Variants in ZNF282 observed in about 807,000 individuals in gnomAD.
ZNF282 encodes HTLV-I U5 repressive element-binding protein 1.
ZNF282 carries 30 observed loss-of-function variants against 61.9 expected under a neutral mutation model. The observed-to-expected ratio is 0.48, with a 90% CI of 0.36 to 0.66. The LOEUF is 0.66. Among genes scored for constraint, ZNF282 ranks in the 30% least tolerant of loss-of-function variants. The pLI is 0.00. For synonymous variants in ZNF282, 396 were observed against 405.0 expected (o/e 0.98, Z 0.27); for missense variants, 788 against 941.4 (o/e 0.84, Z 2.13).
Position 149,206,789 on chromosome 7 carries a change from G to A in ZNF282, c.679G>A (p.Val227Ile). 6.2e-7 allele frequency: 1 copy of A among 1,614,168 alleles called. No homozygotes were observed. The highest frequency in any genetic ancestry group is 1.6e-4 in the Middle Eastern group (1 of 6,062). The change falls in exon 3 of 8, where the codon GTT (valine) becomes ATT (isoleucine). Residue 227 changes from valine (V) to isoleucine (I), a missense_variant. By Grantham distance (29) the Val-to-Ile change is conservative. Transcript: ENST00000610704. ...GCAGAAGGAGCTTTATAACAACCTT[G>A]TTAAGGAGAACTACAAAACCCTCAT... ...EWQKELYNNLVKENYKTLMSL... is the reference protein window; with the variant it reads ...EWQKELYNNLIKENYKTLMSL...
intron 2 of ZNF282, among the ~76,000 whole-genome samples, chr7:149,200,690 G>A (rs978370401): frequency 2.0e-5 from 3 of 152,068 alleles, no homozygotes; most frequent in Non-Finnish European, 2.9e-5. Flanking sequence ...CTGCCTCCAG[G>A]GTTCAAGTGA....
At chr7:149,200,552 C>T (rs2129523063) in intron 2 of ZNF282, among the ~76,000 whole-genome samples, 1 of 152,232 alleles carries the variant, frequency 6.6e-6, no homozygotes, top group Admixed American at 6.5e-5. Context: ...ATTTACTCTC[C>T]TCCCTCATGA....
chr7:149,224,227 C>T lies in ZNF282; in HGVS notation c.1596C>T (p.Ser532=). 6.2e-7 allele frequency: 1 copy of T among 1,610,492 alleles called. No individual in the cohort carries two copies. Among genetic ancestry groups the T allele is most frequent in the South Asian group, 1.1e-5 (1 of 91,042 alleles). Residue 532 remains serine, a synonymous_variant, in exon 8 of 8, where the codon AGC becomes AGT. Transcript: ENST00000610704. ...ECGKSFGVRK[S]LIIHHRSHTK... ...GCAAGAGCTTCGGCGTGCGCAAGAG[C>T]CTCATCATCCACCACCGCAGCCACA...
At chr7:149,200,300 G>A (rs962784689) in intron 2 of ZNF282, among the ~76,000 whole-genome samples, 18 of 152,136 alleles carry the variant, frequency 1.2e-4, no homozygotes, top group East Asian at 3.9e-4. Flanking sequence ...AATGATGTCC[G>A]TGGTGTTACA....
rs1293944259 is a variant in ZNF282 at position 149,224,754 on chromosome 7, C to CATTG, written c.*108_*111dup. On this transcript the variant is annotated 3_prime_UTR_variant, in exon 8 of 8. Coordinates refer to ENST00000610704, the MANE Select transcript of ZNF282 (RefSeq NM_003575.4). ...CCACCGTCTGGAAATCGGCAACAGG[C>CATTG]ATTGCACTCCGGTTGGGGGTCCCCC... The CATTG allele has an allele frequency of 1.4e-6, 2 of 1,428,916 alleles. No individual in the cohort carries two copies. The highest frequency in any genetic ancestry group is 1.8e-6 in the Non-Finnish European group (2 of 1,093,732). 88.5% of individuals were successfully genotyped at this position (1,428,916 alleles called of 1,614,324 possible).
At chr7:149,196,736 TG>T (rs1795823455) in intron 1 of ZNF282, among the ~76,000 whole-genome samples, 1 of 152,156 alleles carries the variant, frequency 6.6e-6, no homozygotes. Context: ...TCCCCTTCTG[TG>T]GGCTAGGGCG....
chr7:149,216,271 T>A (rs1018504062), intron 7 of ZNF282, among the ~76,000 whole-genome samples: 3 of 152,124 alleles, frequency 2.0e-5, no homozygotes, highest in African/African-American at 4.8e-5. Flanking sequence ...AGTAATTTTT[T>A]AAAATGTTTT....
At position 149,203,594 on chromosome 7, in the gene ZNF282, C is replaced by G. The variant is rs193247151; in HGVS notation, c.586-3102C>G. ...CTGGTCTTGAACTTCTGGGCTCAAG[C>G]AGTCTTCCTGCCTTGGCTTCCCAAA... is the stretch of plus-strand genomic sequence containing the variant. On this transcript the variant is annotated intron_variant, in intron 2 of 7. Coordinates refer to ENST00000610704, the MANE Select transcript of ZNF282 (RefSeq NM_003575.4). 6.6e-3 allele frequency among the ~76,000 whole-genome samples: 1,006 copies of G among 152,310 alleles called. 5 individuals are homozygous for G. Among genetic ancestry groups the G allele is most frequent in the Non-Finnish European group, 9.6e-3 (650 of 68,024 alleles).
At chr7:149,195,891 C>A in intron 1 of ZNF282, 137 bp downstream of exon 1, 1 of 775,076 alleles carries the variant, frequency 1.3e-6, no homozygotes, top group Non-Finnish European at 1.6e-6. Context: ...AGGCCCGAGG[C>A]GGGCGGGGCA....
At chr7:149,197,491 G>A (rs1305558640) in intron 1 of ZNF282, among the ~76,000 whole-genome samples, 2 of 152,130 alleles carry the variant, frequency 1.3e-5, no homozygotes, top group East Asian at 1.9e-4. Flanking sequence ...TGTTTGTTCC[G>A]AGACGGAGTC....
chr7:149,211,503 C>G (rs908746557), intron 5 of ZNF282, among the ~76,000 whole-genome samples: 1 of 152,124 alleles, frequency 6.6e-6, no homozygotes, highest in Admixed American at 6.6e-5. Context: ...CTGCTTGACT[C>G]AAGTCTACTG....
Position 149,198,407 on chromosome 7 carries a change from C to G in ZNF282, c.240C>G (p.Val80=), listed in dbSNP as rs1795854461. ...CACCCTTTCCAGATAGGGCACCTGT[C>G]TTCCCCGACCGCATGATGCGAGAGC... The part of the protein sequence containing the change: ...QFPPFPDRAP[V]FPDRMMREPQ... Residue 80 remains valine (V), a synonymous_variant, in exon 2 of 8, where the codon GTC becomes GTG. Coordinates refer to ENST00000610704, the MANE Select transcript of ZNF282 (RefSeq NM_003575.4). The surrounding 1 kb of genome is among the most constrained non-coding windows in gnomAD (Gnocchi z 4.3). 3 of 1,614,098 alleles carry G rather than the reference C, an allele frequency of 1.9e-6. No individual in the cohort carries two copies. Among genetic ancestry groups the G allele is most frequent in the East Asian group, 2.2e-5 (1 of 44,888 alleles).
chr7:149,213,189 A>G (rs1585570011), intron 6 of ZNF282, among the ~76,000 whole-genome samples: 1 of 152,144 alleles, frequency 6.6e-6, no homozygotes, highest in East Asian at 1.9e-4. Flanking sequence ...AGAGGATGAG[A>G]AGTTGAATCT....
chr7:149,208,306 C>T (rs1384627849), intron 4 of ZNF282, among the ~76,000 whole-genome samples: 1 of 152,132 alleles, frequency 6.6e-6, no homozygotes, highest in East Asian at 1.9e-4. Context: ...CAACCTCAGC[C>T]TCACTGCAAC....
In ZNF282 at chr7:149,206,622, G is replaced by A. The variant is rs531688978; in HGVS notation, c.586-74G>A. ...CGGGCTTTGGTGGGGAGTGGGTCTT[G>A]TGGCCCGCAGGAGAAGGGGAGGTGG... On this transcript the variant is annotated intron_variant, in intron 2 of 7. Transcript: ENST00000610704. The A allele has an allele frequency of 2.6e-5, 41 of 1,602,236 alleles. No individual in the cohort carries two copies. In the East Asian group the frequency reaches 2.7e-4, roughly 10 times the overall value.
chr7:149,208,480 G>A (rs949435330), intron 4 of ZNF282, among the ~76,000 whole-genome samples: 1 of 152,008 alleles, frequency 6.6e-6, no homozygotes, highest in Non-Finnish European at 1.5e-5. Flanking sequence ...TAGGATTACA[G>A]GCGTGAGCCA....
intron 7 of ZNF282, among the ~76,000 whole-genome samples, chr7:149,220,319 G>A (rs2129523696): frequency 6.6e-6 from 1 of 152,120 alleles, no homozygotes; most frequent in East Asian, 1.9e-4. Flanking sequence ...GGCTGAGGCA[G>A]GAGAATGGCG....
chr7:149,212,576 T>G, intron 6 of ZNF282, 105 bp downstream of exon 6: 1 of 955,152 alleles, frequency 1.0e-6, no homozygotes, highest in Non-Finnish European at 1.5e-6. Flanking sequence ...TAAAATTACT[T>G]CAGCACTGAT....
chr7:149,208,785 G>A (rs1175074408), intron 4 of ZNF282, among the ~76,000 whole-genome samples: 2 of 151,262 alleles, frequency 1.3e-5, no homozygotes, highest in Non-Finnish European at 2.9e-5. Context: ...TTGGGAGGCC[G>A]AGGTGGGCGG....
Sources: gnomAD v4.1 joint callset for allele counts (sites outside exome capture counted in the v4.1 genomes callset) on GRCh38, gnomAD v4.1.1 for gene constraint, Gnocchi (gnomAD v3.1) non-coding constraint, MANE v1.5 for transcripts, NCBI Gene and HGNC (gene_info 2026-07-23, HGNC 2026-07-21) for gene names.